The following PRADC1 variants were observed in gnomAD, a reference collection of about 807,000 sequenced individuals.
PRADC1 encodes the protein protease associated domain containing 1.
In PRADC1, 23 loss-of-function variants were observed where a neutral mutation model predicts 22.9. That is an observed-to-expected ratio of 1.00 (90% CI 0.72 to 1.42). The LOEUF is 1.42. Ranked by LOEUF, PRADC1 falls within the 40% of genes most tolerant of loss-of-function variation. The pLI, the probability that PRADC1 is intolerant of heterozygous loss-of-function variation, is 0.00. For missense variants in PRADC1, 207 were observed against 258.3 expected (o/e 0.80, Z 1.36); for synonymous variants, 71 against 100.3 (o/e 0.71, Z 1.75).
chr2:73,230,421 AG>A (rs1686614696), intron 1 of PRADC1, among the ~76,000 whole-genome samples: 1 of 152,218 alleles, frequency 6.6e-6, no homozygotes, highest in Non-Finnish European at 1.5e-5. Flanking sequence ...TTAACCCCAG[AG>A]GCTTATATCA....
rs746724672 is a variant in PRADC1, at chr2:73,228,607, A to G, written c.447-33T>C. On this transcript the variant is annotated intron_variant, in intron 4 of 4. Coordinates refer to ENST00000258083, the MANE Select transcript of PRADC1 (RefSeq NM_032319.3). The surrounding 1 kb of genome is among the most constrained non-coding windows in gnomAD (Gnocchi z 4.0). Reference sequence around the variant, plus strand: ...GGCATGAAGAGAGGTGGTGACGGTCACTTTCTTGGTACCCCATCATGCCCC... The same window carrying G: ...GGCATGAAGAGAGGTGGTGACGGTCGCTTTCTTGGTACCCCATCATGCCCC... 1 of 1,613,740 alleles carries G rather than the reference A, an allele frequency of 6.2e-7. No individual in the cohort carries two copies. Among genetic ancestry groups the G allele is most frequent in the Non-Finnish European group, 8.5e-7 (1 of 1,179,952 alleles).
chr2:73,229,332 A>G (rs1371767377), intron 3 of PRADC1, 129 bp downstream of exon 3: 1 of 748,158 alleles, frequency 1.3e-6, no homozygotes, highest in Non-Finnish European at 2.3e-6. Context: ...TGCCCAGGCT[A>G]GACATTTCTT....
At chr2:73,232,869 G>T (rs1686687497) in intron 1 of PRADC1, among the ~76,000 whole-genome samples, 1 of 152,162 alleles carries the variant, frequency 6.6e-6, no homozygotes, top group Non-Finnish European at 1.5e-5. Flanking sequence ...CGAGTGGGGA[G>T]ATCTGCTTTG....
rs912820678 is a variant in PRADC1, at chr2:73,228,386, A to G, written c.*68T>C. ...CAGATGCTATCTCCAAATTCCAAGT[A>G]GCAAAATTCCTGGGTTTCCCCTTCC... On this transcript the variant is annotated 3_prime_UTR_variant, in exon 5 of 5. Transcript: ENST00000258083. This position sits in a 1 kb window ranked among gnomAD's most constrained non-coding sequence, Gnocchi z 4.0. 79 of 1,594,886 alleles carry G rather than the reference A, an allele frequency of 5.0e-5. No homozygotes were observed. In the Middle Eastern group the frequency reaches 1.3e-3, roughly 27 times the overall value.
chr2:73,231,745 G>A (rs536689758), intron 1 of PRADC1, among the ~76,000 whole-genome samples: 71 of 152,032 alleles, frequency 4.7e-4, no homozygotes, highest in African/African-American at 1.7e-3. Context: ...GTGAGCCACC[G>A]CACCTGCCCT....
Position 73,228,682 on chromosome 2 carries a change from C to A in PRADC1, c.447-108G>T, listed in dbSNP as rs144628724. ...CCAAAGCCCGAGATCTTTTTTTGCCCTCTAACTGAAGCACCCCAAGTTGAG... is the reference window on the plus strand; with the variant it reads ...CCAAAGCCCGAGATCTTTTTTTGCCATCTAACTGAAGCACCCCAAGTTGAG... On this transcript the variant is annotated intron_variant, in intron 4 of 4. Coordinates refer to ENST00000258083, the MANE Select transcript of PRADC1 (RefSeq NM_032319.3). This position sits in a 1 kb window ranked among gnomAD's most constrained non-coding sequence, Gnocchi z 4.0. 2 of 1,590,624 alleles carry A rather than the reference C, an allele frequency of 1.3e-6. No individual in the cohort carries two copies. The highest frequency in any genetic ancestry group is 1.7e-6 in the Non-Finnish European group (2 of 1,165,886).
At chr2:73,230,735 G>T (rs1686621071) in intron 1 of PRADC1, among the ~76,000 whole-genome samples, 1 of 152,196 alleles carries the variant, frequency 6.6e-6, no homozygotes, top group Admixed American at 6.5e-5. Context: ...CATACCTAGG[G>T]TTTCAATAAC....
At chr2:73,229,320 G>C in intron 3 of PRADC1, 141 bp downstream of exon 3, 1 of 703,570 alleles carries the variant, frequency 1.4e-6, no homozygotes, top group Non-Finnish European at 2.5e-6. Flanking sequence ...GTTTCTCCAT[G>C]TTGCCCAGGC....
At chr2:73,231,768 T>G (rs191226318) in intron 1 of PRADC1, among the ~76,000 whole-genome samples, 37 of 152,264 alleles carry the variant, frequency 2.4e-4, no homozygotes, top group African/African-American at 8.9e-4. Context: ...ATTCATAATT[T>G]TTAAATATCT....
At chr2:73,229,701 C>G (rs575323583) in intron 2 of PRADC1, 131 bp from the exon 3 acceptor site, 3 of 703,376 alleles carry the variant, frequency 4.3e-6, no homozygotes, top group East Asian at 2.7e-5. Context: ...TCTGTATCGC[C>G]AGACACTTAA....
chr2:73,232,460 C>T (rs1369414652), intron 1 of PRADC1, among the ~76,000 whole-genome samples: 2 of 152,198 alleles, frequency 1.3e-5, no homozygotes, highest in Non-Finnish European at 2.9e-5. Context: ...GTTTACTGCC[C>T]AAATCACAGC....
rs552057784 is a variant in PRADC1 at position 73,233,071 on chromosome 2, C to G, written c.67+23G>C. The G allele has an allele frequency of 3.9e-6, 6 of 1,534,534 alleles. No individual in the cohort carries two copies. The South Asian group carries it at 4.7e-5, about 12-fold the overall frequency. The stretch of plus-strand genomic sequence containing the variant: ...GGACGGCCAGCCCCGCCCTGCAACG[C>G]AGTCCCACCCGTTGCCGCTCACCGT... On this transcript the variant is annotated intron_variant, in intron 1 of 4. Coordinates refer to ENST00000258083, the MANE Select transcript of PRADC1 (RefSeq NM_032319.3).
chr2:73,229,214 C>T (rs10185579), intron 3 of PRADC1, among the ~76,000 whole-genome samples: 38,047 of 151,832 alleles, frequency 0.25, 5,116 homozygotes, highest in East Asian at 0.36. Flanking sequence ...CCTTAACATG[C>T]GGTCAAGCAA....
rs756991706 is a variant in PRADC1 at position 73,228,823 on chromosome 2, G to A, written c.418C>T (p.Pro140Ser). The change falls in exon 4 of 5, where the codon CCC becomes TCC. Residue 140 changes from proline to serine, a missense_variant. Physicochemically the swap from Pro to Ser is moderately conservative, Grantham distance 74 (BLOSUM62 -1). Transcript: ENST00000258083. This position sits in a 1 kb window ranked among gnomAD's most constrained non-coding sequence, Gnocchi z 4.0. ...QDSTQRTADI[P>S]ALFLLGRDGY... ...TCTCGGCCGAGCAGGAAGAGGGCGG[G>A]GATGTCAGCTGTGCGCTGGGTACTG... 1.2e-6 allele frequency: 2 copies of A among 1,612,744 alleles called. No homozygotes were observed. The highest frequency in any genetic ancestry group is 1.7e-6 in the Non-Finnish European group (2 of 1,179,642).
At position 73,228,283 on chromosome 2, in the gene PRADC1, G is replaced by T; in HGVS notation, c.*171C>A. The T allele has an allele frequency of 1.3e-6, 1 of 767,924 alleles. No homozygotes were observed. The highest frequency in any genetic ancestry group is 2.7e-5 in the Admixed American group (1 of 36,968). 47.6% of individuals were successfully genotyped at this position (767,924 alleles called of 1,614,324 possible). A position where few individuals can be genotyped will look rare whatever the true frequency, so the allele number is the denominator to read the frequency against. On this transcript the variant is annotated 3_prime_UTR_variant, in exon 5 of 5. Transcript: ENST00000258083. This position sits in a 1 kb window ranked among gnomAD's most constrained non-coding sequence, Gnocchi z 4.0. ...AGACACCCTTGGGGGCCCTGGGGAA[G>T]GGAAGGCCAGTGGTGTGGCTTCCCT...
At chr2:73,230,287 T>C (rs1300989225) in intron 1 of PRADC1, 74 bp from the exon 2 acceptor site, 1 of 1,106,206 alleles carries the variant, frequency 9.0e-7, no homozygotes, top group Non-Finnish European at 1.4e-6. Flanking sequence ...AGACCCTGTG[T>C]CTTCAGCTGG....
chr2:73,229,833 C>G, intron 2 of PRADC1: 2 of 586,688 alleles, frequency 3.4e-6, no homozygotes, highest in South Asian at 4.1e-5. Flanking sequence ...CCTTAAGTCA[C>G]ATAGTTCACA....
intron 3 of PRADC1, 110 bp from the exon 4 acceptor site, chr2:73,229,072 G>A: frequency 3.2e-6 from 3 of 939,924 alleles, no homozygotes; most frequent in Non-Finnish European, 4.8e-6. Context: ...TGTTATAAAG[G>A]CTCATAAGTA....
chr2:73,228,307 C>T lies in PRADC1; in HGVS notation c.*147G>A. On this transcript the variant is annotated 3_prime_UTR_variant, in exon 5 of 5. Coordinates refer to ENST00000258083, the MANE Select transcript of PRADC1 (RefSeq NM_032319.3). The surrounding 1 kb of genome is among the most constrained non-coding windows in gnomAD (Gnocchi z 4.0). ...AGGGAAGGCCAGTGGTGTGGCTTCC[C>T]TTTCAGCCTAGCAACGCCCAAACCC... 1 of 1,023,926 alleles carries T rather than the reference C, an allele frequency of 9.8e-7. No individual in the cohort carries two copies. The allele number at this position is 1,023,926 out of a possible 1,614,324, so 63.4% of individuals were successfully genotyped here. A position where few individuals can be genotyped will look rare whatever the true frequency, so the allele number is the denominator to read the frequency against.
Sources: gnomAD v4.1 joint callset for allele counts (sites outside exome capture counted in the v4.1 genomes callset) on GRCh38, gnomAD v4.1.1 for gene constraint, Gnocchi (gnomAD v3.1) non-coding constraint, MANE v1.5 for transcripts, NCBI Gene and HGNC (gene_info 2026-07-23, HGNC 2026-07-21) for gene names.